TXNDC12: variants seen among roughly 807,000 people sequenced by gnomAD.
TXNDC12 encodes thioredoxin domain-containing protein 12.
In TXNDC12, 22 loss-of-function variants were observed where a neutral mutation model predicts 24.2. The observed-to-expected ratio is 0.91, with a 90% CI of 0.65 to 1.30. The LOEUF is 1.30. Ranked by LOEUF, TXNDC12 falls within the 50% of genes most tolerant of loss-of-function variation. The pLI is 0.00. For synonymous variants in TXNDC12, 58 were observed against 73.4 expected (o/e 0.79, Z 1.07); for missense variants, 184 against 205.8 (o/e 0.89, Z 0.65).
At chr1:52,045,685 A>G (rs572206168) in intron 1 of TXNDC12, among the ~76,000 whole-genome samples, 1 of 152,254 alleles carries the variant, frequency 6.6e-6, no homozygotes, top group Non-Finnish European at 1.5e-5. Context: ...AGAATGTACA[A>G]CACCAAGAAT....
At chr1:52,038,368 G>C (rs1685923037) in intron 2 of TXNDC12, among the ~76,000 whole-genome samples, 1 of 150,966 alleles carries the variant, frequency 6.6e-6, no homozygotes, top group African/African-American at 2.4e-5. Flanking sequence ...CTGGAGTGCA[G>C]TGGGGGGATC....
rs368471325 is a variant in TXNDC12, at chr1:52,032,576, G to C, written c.159-3946C>G. On this transcript the variant is annotated intron_variant, in intron 2 of 6. Transcript: ENST00000371626. ...TATGCAGGAAAGTTTGAGTGAATCAGTCACAACAGCTCTAGTACAGTACTG... is the reference window on the plus strand; with the variant it reads ...TATGCAGGAAAGTTTGAGTGAATCACTCACAACAGCTCTAGTACAGTACTG... 1.4e-5 allele frequency: 20 copies of C among 1,431,100 alleles called. No homozygotes were observed. In the African/African-American group the frequency reaches 2.1e-4, roughly 15 times the overall value. 88.7% of individuals were successfully genotyped at this position (1,431,100 alleles called of 1,614,324 possible). A position where few individuals can be genotyped will look rare whatever the true frequency, so the allele number is the denominator to read the frequency against.
At chr1:52,023,888 G>C (rs202051328) in intron 5 of TXNDC12, among the ~76,000 whole-genome samples, 3 of 152,072 alleles carry the variant, frequency 2.0e-5, no homozygotes, top group Non-Finnish European at 4.4e-5. Context: ...ATAGGTTCAA[G>C]GGTGAGAATT....
rs12039216 is a variant in TXNDC12, at chr1:52,036,375, T to C, written c.158+5162A>G. On this transcript the variant is annotated intron_variant, in intron 2 of 6. Transcript: ENST00000371626. ...AAAATCATAAAGAAGCAAAAATATA[T>C]TTAGTATTCATTAAGTGGAAATGGA... 0.01 allele frequency among the ~76,000 whole-genome samples: 1,537 copies of C among 152,194 alleles called. 78 individuals carry two copies. In the East Asian group the frequency reaches 0.13, roughly 13 times the overall value.
intron 6 of TXNDC12, among the ~76,000 whole-genome samples, chr1:52,021,681 C>T (rs1169048777): frequency 3.3e-5 from 5 of 151,782 alleles, no homozygotes; most frequent in African/African-American, 1.2e-4. Flanking sequence ...TCAAGGGGGA[C>T]AGCTATTTCA....
intron 1 of TXNDC12, among the ~76,000 whole-genome samples, chr1:52,042,448 C>T (rs1484270115): frequency 6.6e-6 from 1 of 151,138 alleles, no homozygotes; most frequent in Non-Finnish European, 1.5e-5. Context: ...TATATACACC[C>T]TATACTATAC....
chr1:52,026,182 A>G (rs1433478996), intron 4 of TXNDC12, among the ~76,000 whole-genome samples: 1 of 152,162 alleles, frequency 6.6e-6, no homozygotes, highest in South Asian at 2.1e-4. Flanking sequence ...ATCATAGAGC[A>G]TCTGAGTACC....
At chr1:52,033,400 C>T in intron 2 of TXNDC12, 2 of 1,451,468 alleles carry the variant, frequency 1.4e-6, no homozygotes, top group Non-Finnish European at 1.9e-6. Context: ...CTCGTTCGCG[C>T]CCGCCACCTG....
chr1:52,033,388 T>C (rs768581893), intron 2 of TXNDC12: 1 of 1,613,120 alleles, frequency 6.2e-7, no homozygotes, highest in East Asian at 2.2e-5. Flanking sequence ...CCGGCCAGGG[T>C]TCTCGTTCGC....
chr1:52,020,214 T>A lies in TXNDC12; in HGVS notation c.*719A>T, dbSNP rs1390049781. ...AATGCCAGTACAAAAATACAGTTGATGACTTGACAAAATGGCTACACCTAG... is the reference window on the plus strand; with the variant it reads ...AATGCCAGTACAAAAATACAGTTGAAGACTTGACAAAATGGCTACACCTAG... On this transcript the variant is annotated 3_prime_UTR_variant, in exon 7 of 7. Transcript: ENST00000371626. 1.7e-5 allele frequency: 4 copies of A among 235,856 alleles called. No individual in the cohort carries two copies. The highest frequency in any genetic ancestry group is 3.4e-5 in the Non-Finnish European group (4 of 117,292). The allele number at this position is 235,856 out of a possible 1,614,324, so 14.6% of individuals were successfully genotyped here.
Position 52,054,577 on chromosome 1 carries a change from G to A in TXNDC12, c.97+423C>T, listed in dbSNP as rs1558000703. Among the ~76,000 whole-genome samples the A allele has an allele frequency of 2.0e-5, 3 of 152,230 alleles. No individual in the cohort carries two copies. In the South Asian group the frequency reaches 6.2e-4, roughly 31 times the overall value. On this transcript the variant is annotated intron_variant, in intron 1 of 6. Coordinates refer to ENST00000371626, the MANE Select transcript of TXNDC12 (RefSeq NM_015913.4). ...GTTTCCCAAAGGCAAGCAAGTGGCA[G>A]TAACCTAGCTCTTCGCGGAAGAAGT...
At chr1:52,030,325 A>T (rs541404478) in intron 2 of TXNDC12, 12 of 152,234 alleles carry the variant, frequency 7.9e-5, no homozygotes, top group Non-Finnish European at 1.3e-4. Context: ...TAAATAAAAA[A>T]AAATAAAAAC....
chr1:52,043,275 A>C (rs560996964), intron 1 of TXNDC12, among the ~76,000 whole-genome samples: 36 of 152,298 alleles, frequency 2.4e-4, no homozygotes, highest in Non-Finnish European at 3.8e-4. Context: ...GTAAATGTTT[A>C]TGTGTCCATC....
In TXNDC12 at chr1:52,028,998, C is replaced by T. The variant is rs12047001; in HGVS notation, c.159-368G>A. Among the ~76,000 whole-genome samples the T allele has an allele frequency of 4.0e-4, 61 of 152,132 alleles. No individual in the cohort carries two copies. In the East Asian group the frequency reaches 9.1e-3, roughly 23 times the overall value. ...CAAAAATTAGCTGGGCGTGGTGGCACGTGCCTGTAGTCCCAGCTACTGGGG... is the reference window on the plus strand; with the variant it reads ...CAAAAATTAGCTGGGCGTGGTGGCATGTGCCTGTAGTCCCAGCTACTGGGG... On this transcript the variant is annotated intron_variant, in intron 2 of 6. Transcript: ENST00000371626.
chr1:52,032,334 T>G, intron 2 of TXNDC12: 1 of 1,027,150 alleles, frequency 9.7e-7, no homozygotes, highest in Non-Finnish European at 1.2e-6. Context: ...TTCACAATTG[T>G]TTTAAAACAA....
intron 2 of TXNDC12, chr1:52,033,634 G>A (rs1685823380): frequency 1.9e-6 from 3 of 1,611,852 alleles, no homozygotes; most frequent in South Asian, 1.1e-5. Flanking sequence ...TGGGTCCTCT[G>A]CGCCCAGGAC....
In TXNDC12 at chr1:52,024,609, A is replaced by G. The variant is rs79833442; in HGVS notation, c.286-30T>C. 3,962 of 1,547,826 alleles carry G rather than the reference A, an allele frequency of 2.6e-3. 73 individuals are homozygous for G. The African/African-American group carries it at 0.046, about 18-fold the overall frequency. On this transcript the variant is annotated intron_variant, in intron 4 of 6. Coordinates refer to ENST00000371626, the MANE Select transcript of TXNDC12 (RefSeq NM_015913.4). ...TAAGATTAAATGTAAACCTTAAGTC[A>G]GATAACGTCCTCTCTCTCCTCAAAA...
chr1:52,050,614 C>A (rs1202016945), intron 1 of TXNDC12, among the ~76,000 whole-genome samples: 1 of 152,164 alleles, frequency 6.6e-6, no homozygotes, highest in Non-Finnish European at 1.5e-5. Context: ...GGCAGCCAAG[C>A]CTCTGAAACA....
chr1:52,048,943 C>T (rs1336441343), intron 1 of TXNDC12, among the ~76,000 whole-genome samples: 18 of 152,148 alleles, frequency 1.2e-4, no homozygotes, highest in Admixed American at 8.5e-4. Context: ...CTTACAATCA[C>T]GTAAGGTTAT....
Sources: allele counts gnomAD v4.1 joint callset (sites outside exome capture counted in the v4.1 genomes callset), GRCh38; gene constraint gnomAD v4.1.1; transcripts MANE v1.5; gene names NCBI Gene and HGNC (gene_info 2026-07-23, HGNC 2026-07-21).